The following TMPRSS11D variants were observed in gnomAD, a reference collection of about 807,000 sequenced individuals.
TMPRSS11D encodes the protein transmembrane serine protease 11D.
TMPRSS11D carries 32 observed loss-of-function variants against 44.4 expected under a neutral mutation model. The ratio of observed to expected loss-of-function variants is 0.72; its 90% CI spans 0.54 to 0.97. The LOEUF (loss-of-function observed/expected upper bound fraction) is 0.97. TMPRSS11D is among the 50% of genes least tolerant of loss of function. The pLI is 0.00. For missense variants in TMPRSS11D, 446 were observed against 502.6 expected (o/e 0.89, Z 1.08); for synonymous variants, 179 against 177.9 (o/e 1.01, Z -0.05).
At chr4:67,858,043 G>A (rs1393296033) in intron 2 of TMPRSS11D, among the ~76,000 whole-genome samples, 1 of 152,072 alleles carries the variant, frequency 6.6e-6, no homozygotes, top group Non-Finnish European at 1.5e-5. Context: ...GTCTTCCAGA[G>A]GACCTATTCA....
At position 67,869,248 on chromosome 4, in the gene TMPRSS11D, T is replaced by TTCAA. The variant is rs556155434; in HGVS notation, c.9-9571_9-9570insTTGA. 1.5e-3 allele frequency among the ~76,000 whole-genome samples: 226 copies of TTCAA among 152,170 alleles called. 1 individual carries two copies. The highest frequency in any genetic ancestry group is 5.3e-3 in the African/African-American group (219 of 41,528). On this transcript the variant is annotated intron_variant, in intron 1 of 9. Coordinates refer to ENST00000283916, the MANE Select transcript of TMPRSS11D (RefSeq NM_004262.3). ...TAGTATTTGAAGCTCTGAAAAAGAG[T>TTCAA]ATTGGAAACCACTCATTTCACTGCC...
chr4:67,836,714 G>T (rs930485987), intron 5 of TMPRSS11D, among the ~76,000 whole-genome samples: 2 of 152,120 alleles, frequency 1.3e-5, no homozygotes, highest in African/African-American at 2.4e-5. Flanking sequence ...GGGCATTAAA[G>T]CCATGCCTAA....
intron 1 of TMPRSS11D, among the ~76,000 whole-genome samples, chr4:67,874,281 T>G (rs991136181): frequency 3.3e-5 from 5 of 150,308 alleles, no homozygotes; most frequent in African/African-American, 1.2e-4. Flanking sequence ...CCCTGTCAAG[T>G]AACGCATGAC....
chr4:67,851,487 G>C (rs1004843049), intron 3 of TMPRSS11D, among the ~76,000 whole-genome samples: 5 of 152,180 alleles, frequency 3.3e-5, no homozygotes, highest in Non-Finnish European at 7.3e-5. Context: ...GTGCTTTGCT[G>C]TCCTCCACTG....
At chr4:67,856,508 G>A (rs1427678405) in intron 2 of TMPRSS11D, among the ~76,000 whole-genome samples, 1 of 152,026 alleles carries the variant, frequency 6.6e-6, no homozygotes, top group Non-Finnish European at 1.5e-5. Context: ...TTAAATGTAA[G>A]ACTTAAAACT....
At position 67,822,119 on chromosome 4, in the gene TMPRSS11D, C is replaced by T. The variant is rs1717656649; in HGVS notation, c.*218G>A. 2.1e-6 allele frequency: 1 copy of T among 483,956 alleles called. No homozygotes were observed. The highest frequency in any genetic ancestry group is 3.2e-5 in the East Asian group (1 of 31,116). 30.0% of individuals were successfully genotyped at this position (483,956 alleles called of 1,614,324 possible). On this transcript the variant is annotated 3_prime_UTR_variant, in exon 10 of 10. Transcript: ENST00000283916. ...AGTTTAGTGTGTTTCTTCTGTTACA[C>T]AGCCACAGTACTATGCAACATTCAT... is the stretch of plus-strand genomic sequence containing the variant.
At chr4:67,871,070 A>G (rs1719051251) in intron 1 of TMPRSS11D, among the ~76,000 whole-genome samples, 1 of 152,200 alleles carries the variant, frequency 6.6e-6, no homozygotes, top group Non-Finnish European at 1.5e-5. Flanking sequence ...TATTTAATAC[A>G]TTCAAGAACT....
chr4:67,859,589 G>A lies in TMPRSS11D; in HGVS notation c.98C>T (p.Thr33Ile), dbSNP rs529533156. 23 of 1,613,080 alleles carry A rather than the reference G, an allele frequency of 1.4e-5. No individual in the cohort carries two copies. Among genetic ancestry groups the A allele is most frequent in the African/African-American group, 6.7e-5 (5 of 74,866 alleles). Residue 33 changes from threonine (T) to isoleucine (I), a missense_variant, in exon 2 of 10, where the codon ACC becomes ATC. Transcript: ENST00000283916. ...TAAAAAGTAAACAAGTAGAGCTATG[G>A]TGACTGCCAGGATCACTACCCCTGC... ...VVAGVVILAV[T>I]IALLVYFLAF...
intron 3 of TMPRSS11D, among the ~76,000 whole-genome samples, chr4:67,849,669 G>T (rs370211245): frequency 2.0e-5 from 3 of 152,094 alleles, no homozygotes; most frequent in African/African-American, 4.8e-5. Context: ...TATTTTACTC[G>T]TGAATAAACT....
intron 1 of TMPRSS11D, among the ~76,000 whole-genome samples, chr4:67,879,315 A>G (rs1276927606): frequency 6.6e-6 from 1 of 151,750 alleles, no homozygotes; most frequent in Non-Finnish European, 1.5e-5. Flanking sequence ...CCCCATCTCT[A>G]CTAAAAATAC....
At chr4:67,869,473 A>T (rs1186773491) in intron 1 of TMPRSS11D, among the ~76,000 whole-genome samples, 2 of 152,142 alleles carry the variant, frequency 1.3e-5, no homozygotes, top group Admixed American at 6.5e-5. Flanking sequence ...ATGCAATATT[A>T]CAAGTATATA....
chr4:67,873,430 C>T (rs897600637), intron 1 of TMPRSS11D, among the ~76,000 whole-genome samples: 2 of 152,094 alleles, frequency 1.3e-5, no homozygotes, highest in African/African-American at 4.8e-5. Flanking sequence ...CTCTTCCATT[C>T]TGGGAATCTG....
At position 67,883,977 on chromosome 4, in the gene TMPRSS11D, G is replaced by T; in HGVS notation, c.-44C>A. The T allele has an allele frequency of 6.3e-7, 1 of 1,580,066 alleles. No individual in the cohort carries two copies. Among genetic ancestry groups the T allele is most frequent in the East Asian group, 2.3e-5 (1 of 43,604 alleles). ...GGTTCTTTTTTCTGCCTACTCAACT[G>T]CTTTGAGATTCCCACTCAAATGAAT... is the stretch of plus-strand genomic sequence containing the variant. On this transcript the variant is annotated 5_prime_UTR_variant, in exon 1 of 10. Coordinates refer to ENST00000283916, the MANE Select transcript of TMPRSS11D (RefSeq NM_004262.3).
At chr4:67,878,005 T>C (rs1302426501) in intron 1 of TMPRSS11D, among the ~76,000 whole-genome samples, 1 of 152,160 alleles carries the variant, frequency 6.6e-6, no homozygotes, top group Non-Finnish European at 1.5e-5. Context: ...ACTTAAAGTA[T>C]AATAAAAAAT....
At chr4:67,879,484 AAAAAAG>A in intron 1 of TMPRSS11D, among the ~76,000 whole-genome samples, 1 of 151,768 alleles carries the variant, frequency 6.6e-6, no homozygotes, top group Middle Eastern at 3.4e-3. Flanking sequence ...AAAAAAAAAA[AAAAAAG>A]AAAAGCACTT....
chr4:67,838,901 T>C (rs1718166982), intron 4 of TMPRSS11D: 1 of 152,136 alleles, frequency 6.6e-6, no homozygotes, highest in Non-Finnish European at 1.5e-5. Context: ...TATTAAGATT[T>C]CATCACTCAT....
At position 67,853,761 on chromosome 4, in the gene TMPRSS11D, A is replaced by T. The variant is rs41278565; in HGVS notation, c.249+307T>A. Among the ~76,000 whole-genome samples the T allele has an allele frequency of 4.0e-3, 612 of 152,380 alleles. 2 individuals are homozygous for T. Among genetic ancestry groups the T allele is most frequent in the South Asian group, 7.9e-3 (38 of 4,830 alleles). On this transcript the variant is annotated intron_variant, in intron 3 of 9. Transcript: ENST00000283916. ...GAGGGAAGAAGGTAAAATGAAAAGA[A>T]TTTAAAAAGACAATGTCAATGCTTA...
chr4:67,832,674 T>C (rs960805863), intron 7 of TMPRSS11D, among the ~76,000 whole-genome samples: 12 of 150,336 alleles, frequency 8.0e-5, no homozygotes, highest in Non-Finnish European at 1.2e-4. Flanking sequence ...GCTTCTACAA[T>C]ATATAACACT....
intron 1 of TMPRSS11D, among the ~76,000 whole-genome samples, chr4:67,867,791 G>T (rs759742449): frequency 7.2e-5 from 11 of 152,044 alleles, no homozygotes; most frequent in Non-Finnish European, 1.3e-4. Context: ...TACACCAGTT[G>T]GAATGGTTAT....
Sources: gnomAD v4.1 joint callset for allele counts (sites outside exome capture counted in the v4.1 genomes callset) on GRCh38, gnomAD v4.1.1 for gene constraint, MANE v1.5 for transcripts, NCBI Gene and HGNC (gene_info 2026-07-23, HGNC 2026-07-21) for gene names.